Variants in TKTL1 observed in about 807,000 individuals in gnomAD.
TKTL1 encodes transketolase-like protein 1.
Under a neutral mutation model 39.3 loss-of-function variants are expected in TKTL1, and 1 was observed. The ratio of observed to expected loss-of-function variants is 0.03; its 90% CI spans 0.01 to 0.12. The LOEUF (loss-of-function observed/expected upper bound fraction) is 0.12, where lower values mean the gene tolerates loss of function less well. Among genes scored for constraint, TKTL1 ranks in the 10% least tolerant of loss-of-function variants. The pLI, the probability that TKTL1 is intolerant of heterozygous loss-of-function variation, is 1.00. For synonymous variants in TKTL1, 262 were observed against 193.8 expected (o/e 1.35, Z -2.92); for missense variants, 575 against 509.6 (o/e 1.13, Z -1.24).
intron 10 of TKTL1, chrX:154,327,247 C>G (rs1557172144): frequency 1.6e-5 from 6 of 385,099 alleles, no homozygotes; most frequent in Admixed American, 2.7e-5. Flanking sequence ...TCTCAGAGTT[C>G]AGGCACACAA....
In TKTL1 at chrX:154,320,742, TTC is replaced by T. The variant is rs781812633; in HGVS notation, c.1030-11_1030-10del. On this transcript the variant is annotated splice_polypyrimidine_tract_variant and intron_variant, in intron 7 of 12. Transcript: ENST00000369915. ...ATGCCCAGGGATGTTCTGATTCATGTTCTCTGTGCTGCAGGTGAGCGTGGCTC... is the reference window on the plus strand; with the variant it reads ...ATGCCCAGGGATGTTCTGATTCATGTTCTGTGCTGCAGGTGAGCGTGGCTC... The T allele has an allele frequency of 4.1e-6, 5 of 1,210,153 alleles. No homozygotes were observed. The South Asian group carries it at 8.8e-5, about 21-fold the overall frequency.
Position 154,329,764 on chromosome X carries a change from T to G in TKTL1, c.*76T>G. On this transcript the variant is annotated 3_prime_UTR_variant, in exon 13 of 13. Transcript: ENST00000369915. ...GTTCCAAAACCATCATTTAAATCTCTACTGTCACATTTTGTTTCTTAAAAG... is the reference window on the plus strand; with the variant it reads ...GTTCCAAAACCATCATTTAAATCTCGACTGTCACATTTTGTTTCTTAAAAG... 2.2e-5 allele frequency: 24 copies of G among 1,089,572 alleles called. No individual in the cohort carries two copies. Among genetic ancestry groups the G allele is most frequent in the Non-Finnish European group, 2.9e-5 (23 of 802,405 alleles). 89.8% of individuals were successfully genotyped at this position (1,089,572 alleles called of 1,213,427 possible).
At chrX:154,326,020 T>G (rs1211361083) in intron 10 of TKTL1, among the ~76,000 whole-genome samples, 1 of 111,654 alleles carries the variant, frequency 9.0e-6, no homozygotes, top group Non-Finnish European at 1.9e-5. Context: ...TAGAAATCAC[T>G]TGAAATGAAT....
intron 6 of TKTL1, 67 bp from the exon 7 acceptor site, chrX:154,315,106 C>T (rs782317135): frequency 1.3e-5 from 14 of 1,064,084 alleles, no homozygotes; most frequent in South Asian, 2.1e-5. Flanking sequence ...TGGTACCTTC[C>T]TTCTGTAGTC....
chrX:154,320,265 A>G (rs954632629), intron 7 of TKTL1: 5 of 117,625 alleles, frequency 4.3e-5, no homozygotes, highest in African/African-American at 1.6e-4. Context: ...GGCAATGACT[A>G]TAGGCAAGTT....
At chrX:154,308,402 T>TG (rs782136449) in intron 2 of TKTL1, among the ~76,000 whole-genome samples, 46 of 111,334 alleles carry the variant, frequency 4.1e-4, no homozygotes, top group African/African-American at 1.1e-3. Context: ...ATGGAGGTGA[T>TG]GGGGGCTGGG....
At chrX:154,316,151 G>C (rs2067398169) in intron 7 of TKTL1, among the ~76,000 whole-genome samples, 1 of 111,308 alleles carries the variant, frequency 9.0e-6, no homozygotes, top group Non-Finnish European at 1.9e-5. Context: ...CTCACTGCAA[G>C]CTCCGCCTCC....
intron 1 of TKTL1, among the ~76,000 whole-genome samples, chrX:154,296,198 CGGTT>C (rs781847956): frequency 2.0e-4 from 22 of 110,975 alleles, no homozygotes; most frequent in African/African-American, 6.9e-4. Flanking sequence ...AAGGGTCGGT[CGGTT>C]GGTTGGTCAG....
In TKTL1 at chrX:154,307,318, C is replaced by A. The variant is rs143054532; in HGVS notation, c.252+1897C>A. 7.8e-3 allele frequency among the ~76,000 whole-genome samples: 871 copies of A among 111,802 alleles called. 8 individuals carry two copies. The highest frequency in any genetic ancestry group is 0.027 in the African/African-American group (816 of 30,774). ...TCTATCGGGCAGCAGCACACCAGGC[C>A]CTGTTCGGCTGCCAGAATTTGTGTG... is the stretch of plus-strand genomic sequence containing the variant. On this transcript the variant is annotated intron_variant, in intron 2 of 12. Coordinates refer to ENST00000369915, the MANE Select transcript of TKTL1 (RefSeq NM_012253.4).
intron 10 of TKTL1, among the ~76,000 whole-genome samples, chrX:154,326,982 A>G (rs931654984): frequency 1.8e-5 from 2 of 112,204 alleles, no homozygotes; most frequent in Non-Finnish European, 3.8e-5. Context: ...AAACCTATAC[A>G]GAGGGGAAGT....
At chrX:154,325,196 G>A in intron 9 of TKTL1, 143 bp from the exon 10 acceptor site, 2 of 557,565 alleles carry the variant, frequency 3.6e-6, no homozygotes, top group Non-Finnish European at 5.9e-6. Flanking sequence ...TCCACTGGTT[G>A]TAGATGCTCA....
At chrX:154,315,129 T>C in intron 6 of TKTL1, 44 bp from the exon 7 acceptor site, 2 of 1,163,841 alleles carry the variant, frequency 1.7e-6, no homozygotes, top group South Asian at 1.9e-5. Context: ...TCCTTCTAAA[T>C]GCATTTGAAG....
At chrX:154,322,229 C>CAAAAAAAAAA (rs34229834) in intron 8 of TKTL1, among the ~76,000 whole-genome samples, 1 of 41,861 alleles carries the variant, frequency 2.4e-5, no homozygotes, top group Admixed American at 3.6e-4. Flanking sequence ...GAGGCTTTGT[C>CAAAAAAAAAA]AAAAAAAAAA....
At chrX:154,309,817 C>G (rs912237390) in intron 3 of TKTL1, among the ~76,000 whole-genome samples, 1 of 111,257 alleles carries the variant, frequency 9.0e-6, no homozygotes, top group Admixed American at 9.5e-5. Context: ...TCACTGCAAC[C>G]TCTGCCTCCC....
At chrX:154,328,719 G>A (rs1002086742) in intron 12 of TKTL1, among the ~76,000 whole-genome samples, 1 of 110,691 alleles carries the variant, frequency 9.0e-6, no homozygotes, top group South Asian at 3.8e-4. Context: ...GTGATACAAG[G>A]AGCATTGAGT....
intron 10 of TKTL1, chrX:154,327,073 T>C: frequency 5.2e-6 from 1 of 193,340 alleles, no homozygotes; most frequent in East Asian, 1.3e-4. Flanking sequence ...CTGTCTTTGC[T>C]TGCAGAATAG....
At chrX:154,299,095 T>A (rs1322208459) in intron 1 of TKTL1, among the ~76,000 whole-genome samples, 2 of 110,454 alleles carry the variant, frequency 1.8e-5, no homozygotes, top group Non-Finnish European at 3.8e-5. Context: ...GTTTTGGTAT[T>A]TTGTACTTCT....
chrX:154,305,027 G>A (rs961718658), intron 1 of TKTL1: 1 of 1,081,605 alleles, frequency 9.2e-7, no homozygotes, highest in Non-Finnish European at 1.2e-6. Flanking sequence ...TTAAGCATGT[G>A]AAAGAATACT....
rs2067388095 is a variant in TKTL1 at position 154,315,156 on chromosome X, TTGTCTC to T, written c.865-11_865-6del. On this transcript the variant is annotated splice_polypyrimidine_tract_variant and intron_variant, in intron 6 of 12. Transcript: ENST00000369915. ...CATTTGAAGAAACTCTACCACCTGATTGTCTCTGTCTTCTAGATAGCTACTCGGAAA... is the reference window on the plus strand; with the variant it reads ...CATTTGAAGAAACTCTACCACCTGATTGTCTTCTAGATAGCTACTCGGAAA... 2 of 1,201,822 alleles carry T rather than the reference TTGTCTC, an allele frequency of 1.7e-6. No homozygotes were observed. The highest frequency in any genetic ancestry group is 1.8e-5 in the South Asian group (1 of 55,752).
Sources: allele counts gnomAD v4.1 joint callset (sites outside exome capture counted in the v4.1 genomes callset), GRCh38; gene constraint gnomAD v4.1.1; transcripts MANE v1.5; gene names NCBI Gene and HGNC (gene_info 2026-07-23, HGNC 2026-07-21).